Variants in FBLN2 observed in about 807,000 individuals in gnomAD.
FBLN2 encodes the protein fibulin 2.
A neutral mutation model predicts 123.7 loss-of-function variants in FBLN2; 81 were observed. That is an observed-to-expected ratio of 0.65 (90% CI 0.55 to 0.79). The LOEUF is 0.79. Ranked by LOEUF, FBLN2 falls within the 30% of genes least tolerant of loss-of-function variation. The pLI, the probability that FBLN2 is intolerant of heterozygous loss-of-function variation, is 0.00. For synonymous variants in FBLN2, 699 were observed against 701.4 expected (o/e 1.00, Z 0.05); for missense variants, 1,603 against 1,681.3 (o/e 0.95, Z 0.81).
At chr3:13,571,749 G>T (rs974112234) in intron 2 of FBLN2, 88 bp downstream of exon 2, 13 of 1,417,392 alleles carry the variant, frequency 9.2e-6, no homozygotes, top group Non-Finnish European at 8.4e-6. Context: ...TCTGCCTGGG[G>T]CTGGGGATGC....
chr3:13,611,153 G>A (rs1421529667), intron 4 of FBLN2, among the ~76,000 whole-genome samples: 1 of 152,012 alleles, frequency 6.6e-6, no homozygotes, highest in Non-Finnish European at 1.5e-5. Flanking sequence ...CACCACATTG[G>A]CCAGGTTGGT....
intron 1 of FBLN2, chr3:13,568,778 C>T: frequency 1.0e-6 from 1 of 985,768 alleles, no homozygotes; most frequent in African/African-American, 1.7e-5. Flanking sequence ...CTCATGCCTG[C>T]CTGGCGTTCA....
At chr3:13,628,033 C>A (rs949417351) in intron 11 of FBLN2, 64 bp downstream of exon 11, 4 of 1,556,638 alleles carry the variant, frequency 2.6e-6, no homozygotes, top group East Asian at 4.6e-5. Flanking sequence ...ATTGTGGGGG[C>A]TTTTAGGGCT....
Position 13,619,405 on chromosome 3 carries a change from C to T in FBLN2, c.2054-325C>T, listed in dbSNP as rs114100170. On this transcript the variant is annotated intron_variant, in intron 7 of 17. Coordinates refer to ENST00000404922, the MANE Select transcript of FBLN2 (RefSeq NM_001004019.2). Reference sequence around the variant, plus strand: ...TTCCCTTCCCCTGCTTTTTTCCCTGCCCCCTTCCCTTTCTCTTCTTCCTTC... The same window carrying T: ...TTCCCTTCCCCTGCTTTTTTCCCTGTCCCCTTCCCTTTCTCTTCTTCCTTC... Among the ~76,000 whole-genome samples the T allele has an allele frequency of 6.0e-3, 907 of 152,294 alleles. 5 individuals are homozygous for T. Among genetic ancestry groups the T allele is most frequent in the Non-Finnish European group, 9.8e-3 (664 of 68,024 alleles).
intron 2 of FBLN2, among the ~76,000 whole-genome samples, chr3:13,595,918 T>G (rs1704826851): frequency 6.6e-6 from 1 of 152,126 alleles, no homozygotes; most frequent in South Asian, 2.1e-4. Flanking sequence ...GCTGAGTCCT[T>G]CCCCAAGATA....
intron 2 of FBLN2, among the ~76,000 whole-genome samples, chr3:13,587,911 G>A (rs183867282): frequency 1.3e-5 from 2 of 152,174 alleles, no homozygotes; most frequent in Admixed American, 1.3e-4. Context: ...CCAAACTAAT[G>A]TGTTTCTTAA....
chr3:13,580,286 G>A (rs1704281952), intron 2 of FBLN2, among the ~76,000 whole-genome samples: 1 of 152,104 alleles, frequency 6.6e-6, no homozygotes, highest in African/African-American at 2.4e-5. Context: ...TTATAGCCCT[G>A]GTAGACGTTG....
intron 9 of FBLN2, among the ~76,000 whole-genome samples, chr3:13,625,469 G>A (rs1706005013): frequency 6.6e-6 from 1 of 152,080 alleles, no homozygotes; most frequent in East Asian, 1.9e-4. Flanking sequence ...CAGACCCCTT[G>A]TGTGAACTCC....
At chr3:13,631,613 G>C (rs1203353687) in intron 16 of FBLN2, among the ~76,000 whole-genome samples, 156 bp downstream of exon 16, 1 of 152,224 alleles carries the variant, frequency 6.6e-6, no homozygotes, top group East Asian at 1.9e-4. Context: ...CATGTTAACT[G>C]AGGTTGTGCC....
In FBLN2 at chr3:13,570,739, T is replaced by C; in HGVS notation, c.384T>C (p.Ala128=). The C allele has an allele frequency of 1.2e-6, 2 of 1,601,278 alleles. No homozygotes were observed. Among genetic ancestry groups the C allele is most frequent in the Non-Finnish European group, 1.7e-6 (2 of 1,174,414 alleles). The change falls in exon 2 of 18, where the codon GCT becomes GCC. Residue 128 remains alanine, a synonymous_variant. Transcript: ENST00000404922. ...ACTGCATCGAGGCTGTAGTGGTGGC[T>C]GACAGCTGCCCACAGTGCGGCCAGG... ...PPNCIEAVVV[A]DSCPQCGQVG... is the part of the protein sequence containing the mutation.
intron 1 of FBLN2, among the ~76,000 whole-genome samples, chr3:13,552,239 G>T (rs1204010371): frequency 1.3e-5 from 2 of 151,996 alleles, no homozygotes; most frequent in African/African-American, 4.8e-5. Context: ...GATCCATGCA[G>T]CTTCCAGGTG....
intron 2 of FBLN2, among the ~76,000 whole-genome samples, chr3:13,585,546 C>G (rs1704469214): frequency 6.6e-6 from 1 of 152,174 alleles, no homozygotes; most frequent in African/African-American, 2.4e-5. Context: ...TGAAAAATGC[C>G]TTTTGCCTAG....
At chr3:13,607,873 A>G (rs985897659) in intron 2 of FBLN2, among the ~76,000 whole-genome samples, 189 bp from the exon 3 acceptor site, 18 of 152,122 alleles carry the variant, frequency 1.2e-4, no homozygotes, top group African/African-American at 4.1e-4. Flanking sequence ...CAGCCCCCAT[A>G]GGGAGGACTC....
intron 1 of FBLN2, among the ~76,000 whole-genome samples, chr3:13,563,570 G>A (rs1233372967): frequency 1.3e-5 from 2 of 152,216 alleles, no homozygotes; most frequent in African/African-American, 4.8e-5. Flanking sequence ...CTTCTCCTGA[G>A]CGCTCTCCCC....
intron 4 of FBLN2, among the ~76,000 whole-genome samples, chr3:13,612,847 A>G (rs185492532): frequency 4.1e-4 from 63 of 152,338 alleles, no homozygotes; most frequent in Non-Finnish European, 8.5e-4. Context: ...AGAATAGAGT[A>G]TCAGTTAGCT....
At chr3:13,553,330 G>A (rs112658332) in intron 1 of FBLN2, among the ~76,000 whole-genome samples, 393 of 152,262 alleles carry the variant, frequency 2.6e-3, no homozygotes, top group African/African-American at 9.1e-3. Flanking sequence ...AGGACAAGGC[G>A]GCAGGTGGGA....
chr3:13,613,862 C>T (rs143382978), intron 4 of FBLN2, 122 bp from the exon 5 acceptor site: 30 of 1,101,602 alleles, frequency 2.7e-5, no homozygotes, highest in South Asian at 1.3e-4. Flanking sequence ...CCTGGGAGAG[C>T]GCATAGTCTG....
intron 4 of FBLN2, among the ~76,000 whole-genome samples, chr3:13,612,701 A>C (rs1705446787): frequency 6.6e-6 from 1 of 152,100 alleles, no homozygotes; most frequent in Non-Finnish European, 1.5e-5. Flanking sequence ...TCTTAGCCTC[A>C]GCTTTTCTAT....
rs533566155 is a variant in FBLN2, at chr3:13,627,875, C to A, written c.2475C>A (p.Gly825=). ...CAMGTHTCQP[G]FLCQNTKGSF... The stretch of plus-strand genomic sequence containing the variant: ...TGGGCACGCACACCTGCCAGCCGGG[C>A]TTCTTGTGCCAGAACACCAAGGGCT... The change falls in exon 11 of 18, where the codon GGC becomes GGA. Residue 825 remains glycine (G), a synonymous_variant. Coordinates refer to ENST00000404922, the MANE Select transcript of FBLN2 (RefSeq NM_001004019.2). 6.2e-7 allele frequency: 1 copy of A among 1,613,794 alleles called. No individual in the cohort carries two copies. Among genetic ancestry groups the A allele is most frequent in the African/African-American group, 1.3e-5 (1 of 75,056 alleles).
Sources: gnomAD v4.1 joint callset for allele counts (sites outside exome capture counted in the v4.1 genomes callset) on GRCh38, gnomAD v4.1.1 for gene constraint, MANE v1.5 for transcripts, NCBI Gene and HGNC (gene_info 2026-07-23, HGNC 2026-07-21) for gene names.